DMD: variants seen among roughly 807,000 people sequenced by gnomAD.
DMD encodes the protein dystrophin.
DMD carries 63 observed loss-of-function variants against 330.1 expected under a neutral mutation model. That is an observed-to-expected ratio of 0.19 (90% CI 0.16 to 0.24). DMD has a LOEUF of 0.24. Among genes scored for constraint, DMD ranks in the 10% least tolerant of loss-of-function variants. The probability of loss-of-function intolerance (pLI) is 1.00; values close to 1 mark genes in which losing one functional copy is unlikely to be tolerated. For missense variants in DMD, 3,344 were observed against 2,684.1 expected (o/e 1.25, Z -5.43); for synonymous variants, 1,223 against 959.8 (o/e 1.27, Z -5.07).
At chrX:31,238,035 T>C (rs1487222290) in intron 63 of DMD, among the ~76,000 whole-genome samples, 6 of 112,079 alleles carry the variant, frequency 5.4e-5, no homozygotes, top group Non-Finnish European at 1.1e-4. Flanking sequence ...AAGACTCTTC[T>C]TTATCACCTC....
intron 2 of DMD, among the ~76,000 whole-genome samples, chrX:32,950,904 G>A (rs953925988): frequency 3.6e-5 from 4 of 111,168 alleles, no homozygotes; most frequent in South Asian, 3.8e-4. Context: ...AGTAAAAGGC[G>A]GGAGTAAGCT....
intron 1 of DMD, among the ~76,000 whole-genome samples, chrX:33,253,830 T>G (rs1419343869): frequency 9.0e-6 from 1 of 111,207 alleles, no homozygotes; most frequent in East Asian, 2.8e-4. Context: ...CTAATCCCCA[T>G]TCTTAGTTAT....
At chrX:31,587,319 T>C (rs1431400884) in intron 55 of DMD, among the ~76,000 whole-genome samples, 2 of 111,755 alleles carry the variant, frequency 1.8e-5, no homozygotes, top group East Asian at 5.6e-4. Flanking sequence ...TTGCTAAGAG[T>C]ATACTCTAAG....
chrX:32,728,680 C>A (rs1436610678), intron 7 of DMD, among the ~76,000 whole-genome samples: 1 of 112,253 alleles, frequency 8.9e-6, no homozygotes. Flanking sequence ...ATCAGTAAGG[C>A]AGATATCTTT....
At chrX:33,314,579 T>G (rs1453323197) in intron 1 of DMD, among the ~76,000 whole-genome samples, 9 of 99,671 alleles carry the variant, frequency 9.0e-5, no homozygotes, top group Non-Finnish European at 1.8e-4. Flanking sequence ...TGTTTTTTTT[T>G]TTTTTTTTAT....
chrX:31,269,032 A>G (rs1281684467), intron 62 of DMD, among the ~76,000 whole-genome samples: 1 of 112,257 alleles, frequency 8.9e-6, no homozygotes, highest in Admixed American at 9.4e-5. Flanking sequence ...AAAAATTGAC[A>G]GATGGCAATC....
At chrX:31,392,961 A>T (rs1210355489) in intron 60 of DMD, among the ~76,000 whole-genome samples, 1 of 112,218 alleles carries the variant, frequency 8.9e-6, no homozygotes, top group African/African-American at 3.2e-5. Context: ...GAAAGTTTCC[A>T]GCAAGGAAGA....
At chrX:31,318,940 A>C (rs979550274) in intron 62 of DMD, among the ~76,000 whole-genome samples, 5 of 112,363 alleles carry the variant, frequency 4.4e-5, no homozygotes, top group Non-Finnish European at 7.5e-5. Context: ...CCTAAGGGAC[A>C]GCTGGCAGAA....
chrX:32,193,147 C>T (rs1013766755), intron 44 of DMD, among the ~76,000 whole-genome samples: 2 of 111,284 alleles, frequency 1.8e-5, no homozygotes, highest in African/African-American at 3.3e-5. Context: ...CCTTCTGCCA[C>T]GACTGGAAGC....
chrX:32,232,216 C>T, intron 43 of DMD, among the ~76,000 whole-genome samples: 1 of 111,553 alleles, frequency 9.0e-6, no homozygotes, highest in Middle Eastern at 4.6e-3. Context: ...GGGAGTTGCA[C>T]CCATAAGGCA....
At chrX:32,823,004 T>C (rs1478067674) in intron 5 of DMD, among the ~76,000 whole-genome samples, 1 of 111,796 alleles carries the variant, frequency 8.9e-6, no homozygotes, top group Non-Finnish European at 1.9e-5. Context: ...TTATAGAACA[T>C]ACATTTGTGA....
intron 62 of DMD, among the ~76,000 whole-genome samples, chrX:31,276,687 C>T (rs1169976194): frequency 1.8e-5 from 2 of 111,916 alleles, no homozygotes; most frequent in African/African-American, 6.5e-5. Context: ...TGCCCATCCA[C>T]AGTAGAGTAT....
At chrX:32,825,383 A>T (rs892829864) in intron 4 of DMD, among the ~76,000 whole-genome samples, 1 of 111,170 alleles carries the variant, frequency 9.0e-6, no homozygotes, top group African/African-American at 3.3e-5. Flanking sequence ...ATAAGGTCCA[A>T]TTTCCACTAT....
intron 43 of DMD, among the ~76,000 whole-genome samples, chrX:32,238,548 C>G (rs1245217515): frequency 1.8e-5 from 2 of 111,398 alleles, no homozygotes; most frequent in Non-Finnish European, 3.8e-5. Flanking sequence ...ACAACCTACA[C>G]TTGGAAATGA....
intron 6 of DMD, among the ~76,000 whole-genome samples, chrX:32,814,492 T>A (rs1043337059): frequency 8.9e-6 from 1 of 112,051 alleles, no homozygotes; most frequent in Non-Finnish European, 1.9e-5. Context: ...AACAGAGAGT[T>A]CAACCATTTT....
chrX:32,696,407 T>A (rs1212861561), intron 9 of DMD, among the ~76,000 whole-genome samples: 1 of 112,456 alleles, frequency 8.9e-6, no homozygotes, highest in African/African-American at 3.2e-5. Context: ...CTTTTTTAAA[T>A]GATAAACATT....
At chrX:32,892,511 G>A (rs7061827) in intron 2 of DMD, among the ~76,000 whole-genome samples, 1 of 110,312 alleles carries the variant, frequency 9.1e-6, no homozygotes, top group Non-Finnish European at 1.9e-5. Flanking sequence ...GTCATGCCTC[G>A]GCCTCCCAAA....
At chrX:32,138,643 T>C (rs1327455312) in intron 44 of DMD, among the ~76,000 whole-genome samples, 1 of 112,293 alleles carries the variant, frequency 8.9e-6, no homozygotes, top group Non-Finnish European at 1.9e-5. Context: ...AGATATTGCA[T>C]ACTAAGTGTG....
At chrX:31,127,465 A>G (rs770104577) in intron 77 of DMD, among the ~76,000 whole-genome samples, 1 of 112,720 alleles carries the variant, frequency 8.9e-6, no homozygotes, top group Non-Finnish European at 1.9e-5. Flanking sequence ...ATTGGACAGA[A>G]AAGTAGGGAC....
Sources: allele counts gnomAD v4.1 joint callset (sites outside exome capture counted in the v4.1 genomes callset), GRCh38; gene constraint gnomAD v4.1.1; transcripts MANE v1.5; gene names NCBI Gene and HGNC (gene_info 2026-07-23, HGNC 2026-07-21).